The following NAT16 variants were observed in gnomAD, a reference collection of about 807,000 sequenced individuals.
NAT16 encodes the protein probable N-acetyltransferase 16.
Under a neutral mutation model 15.9 loss-of-function variants are expected in NAT16, and 16 were observed. The observed-to-expected ratio is 1.01, with a 90% CI of 0.68 to 1.53. The LOEUF (loss-of-function observed/expected upper bound fraction) is 1.53, where lower values mean the gene tolerates loss of function less well. Ranked by LOEUF, NAT16 falls within the 40% of genes most tolerant of loss-of-function variation. NAT16 has a pLI of 0.00. For synonymous variants in NAT16, 260 were observed against 241.9 expected (o/e 1.07, Z -0.69); for missense variants, 572 against 508.4 (o/e 1.13, Z -1.20).
intron 2 of NAT16, 108 bp from the exon 3 acceptor site, chr7:101,173,628 A>C: frequency 6.9e-6 from 7 of 1,018,596 alleles, no homozygotes; most frequent in Non-Finnish European, 9.7e-6. Context: ...CCGCGTCACC[A>C]CCCGGGCACC....
Position 101,172,482 on chromosome 7 carries a change from A to T in NAT16, c.707T>A (p.Val236Glu). Reference sequence around the variant, plus strand: ...CTGGATGATGGTCCCGCCTGGAAGCACGTCGCGCTGCACGGAGGGTGACAG... The same window carrying T: ...CTGGATGATGGTCCCGCCTGGAAGCTCGTCGCGCTGCACGGAGGGTGACAG... ...LLLSPSVQRD[V>E]LPGGTIIQDW... is the part of the protein sequence containing the mutation. The change falls in exon 4 of 4, where the codon GTG (valine) becomes GAG (glutamate). Residue 236 changes from valine to glutamate, a missense_variant. Transcript: ENST00000300303. The surrounding 1 kb of genome is among the most constrained non-coding windows in gnomAD (Gnocchi z 4.2). 1 of 1,598,798 alleles carries T rather than the reference A, an allele frequency of 6.3e-7. No individual in the cohort carries two copies. The highest frequency in any genetic ancestry group is 8.5e-7 in the Non-Finnish European group (1 of 1,177,124).
Position 101,174,584 on chromosome 7 carries a change from C to T in NAT16, c.224G>A (p.Gly75Asp). 1 of 1,614,138 alleles carries T rather than the reference C, an allele frequency of 6.2e-7. No individual in the cohort carries two copies. The highest frequency in any genetic ancestry group is 8.5e-7 in the Non-Finnish European group (1 of 1,179,996). ...EVLAISGGIY[G>D]GLDYLPSRYH... ...GCGGCTAGGAAGGTAGTCCAGGCCG[C>T]CGTAGATGCCCCCCGAGATGGCCAG... is the stretch of plus-strand genomic sequence containing the variant. The change falls in exon 2 of 4, where the codon GGC becomes GAC. Residue 75 changes from glycine (G) to aspartate (D), a missense_variant. Physicochemically the swap from Gly to Asp is moderately conservative, Grantham distance 94. Transcript: ENST00000300303.
In NAT16 at chr7:101,174,545, A is replaced by G; in HGVS notation, c.263T>C (p.Leu88Pro). 1.2e-6 allele frequency: 2 copies of G among 1,613,796 alleles called. No homozygotes were observed. The highest frequency in any genetic ancestry group is 1.7e-6 in the Non-Finnish European group (2 of 1,179,888). ...DYLPSRYHSW[L>P]RDPDRTVVLA... ...CACCACCGTGCGGTCGGGGTCCCGG[A>G]GCCAGCTGTGGTAGCGGCTAGGAAG... Residue 88 changes from leucine (L) to proline (P), a missense_variant, in exon 2 of 4, where the codon CTC (leucine) becomes CCC (proline). Transcript: ENST00000300303.
In NAT16 at chr7:101,174,643, G is replaced by A; in HGVS notation, c.165C>T (p.Phe55=). The change falls in exon 2 of 4, where the codon TTC becomes TTT. Residue 55 remains phenylalanine (F), a synonymous_variant. Transcript: ENST00000300303. ...CAAACTCCCGTTCCGTGGCCACCAC[G>A]AAGTCCAATGGCTCGGCCTCAGCCT... The part of the protein sequence containing the change: ...GPEAEAEPLD[F]VVATEREFEE... 6.2e-7 allele frequency: 1 copy of A among 1,614,022 alleles called. No homozygotes were observed. Among genetic ancestry groups the A allele is most frequent in the African/African-American group, 1.3e-5 (1 of 74,990 alleles).
In NAT16 at chr7:101,172,479, A is replaced by G; in HGVS notation, c.710T>C (p.Leu237Pro). 1 of 1,599,446 alleles carries G rather than the reference A, an allele frequency of 6.3e-7. No homozygotes were observed. Among genetic ancestry groups the G allele is most frequent in the South Asian group, 1.1e-5 (1 of 90,034 alleles). The change falls in exon 4 of 4, where the codon CTT (leucine) becomes CCT (proline). Residue 237 changes from leucine to proline, a missense_variant. Coordinates refer to ENST00000300303, the MANE Select transcript of NAT16 (RefSeq NM_198571.3). This position sits in a 1 kb window ranked among gnomAD's most constrained non-coding sequence, Gnocchi z 4.2. ...GTCCTGGATGATGGTCCCGCCTGGA[A>G]GCACGTCGCGCTGCACGGAGGGTGA... ...LLSPSVQRDV[L>P]PGGTIIQDWQ... is the part of the protein sequence containing the mutation.
chr7:101,176,047 C>G (rs2116731455), intron 1 of NAT16, among the ~76,000 whole-genome samples: 1 of 152,256 alleles, frequency 6.6e-6, no homozygotes, highest in South Asian at 2.1e-4. Flanking sequence ...TCCCAGAGAA[C>G]AGTGGAGGGC....
In NAT16 at chr7:101,172,630, T is replaced by A; in HGVS notation, c.559A>T (p.Asn187Tyr). The change falls in exon 4 of 4, where the codon AAC becomes TAC. Residue 187 changes from asparagine (N) to tyrosine (Y), a missense_variant. Physicochemically the swap from Asn to Tyr is moderately radical, Grantham distance 143. Coordinates refer to ENST00000300303, the MANE Select transcript of NAT16 (RefSeq NM_198571.3). The surrounding 1 kb of genome is among the most constrained non-coding windows in gnomAD (Gnocchi z 4.2). ...AGCCCGGCCAGCAGCGCGGACGCGT[T>A]GAATCGGACCAAAAGGATGCCCTGC... ...TKQGILLVRF[N>Y]ASALLAGLGA... 1 of 1,522,150 alleles carries A rather than the reference T, an allele frequency of 6.6e-7. No homozygotes were observed. Among genetic ancestry groups the A allele is most frequent in the Non-Finnish European group, 8.7e-7 (1 of 1,143,338 alleles). The allele number at this position is 1,522,150 out of a possible 1,614,324, so 94.3% of individuals were successfully genotyped here.
chr7:101,173,457 C>A lies in NAT16; in HGVS notation c.376G>T (p.Val126Leu), dbSNP rs200194215. 2.9e-5 allele frequency: 47 copies of A among 1,611,904 alleles called. No homozygotes were observed. The East Asian group carries it at 9.8e-4, about 34-fold the overall frequency. The change falls in exon 3 of 4, where the codon GTG becomes TTG. Residue 126 changes from valine to leucine, a missense_variant. Transcript: ENST00000300303. ...GETVLVEGLRVAPWERGKGVA... is the reference protein window; with the variant it reads ...GETVLVEGLRLAPWERGKGVA... Reference sequence around the variant, plus strand: ...CCCTTCCCGCGCTCCCAGGGCGCCACGCGCAGCCCCTCCACCAGCACCGTC... The same window carrying A: ...CCCTTCCCGCGCTCCCAGGGCGCCAAGCGCAGCCCCTCCACCAGCACCGTC...
At chr7:101,174,418 T>C in intron 2 of NAT16, 78 bp downstream of exon 2, 1 of 1,461,604 alleles carries the variant, frequency 6.8e-7, no homozygotes, top group Non-Finnish European at 9.0e-7. Context: ...GGAGAAGCTC[T>C]CATCCTCCTC....
Position 101,172,623 on chromosome 7 carries a change from G to C in NAT16, c.566C>G (p.Ser189Cys). 6.6e-7 allele frequency: 1 copy of C among 1,524,370 alleles called. No individual in the cohort carries two copies. Among genetic ancestry groups the C allele is most frequent in the Middle Eastern group, 1.9e-4 (1 of 5,290 alleles). 94.4% of individuals were successfully genotyped at this position (1,524,370 alleles called of 1,614,324 possible). A position where few individuals can be genotyped will look rare whatever the true frequency, so the allele number is the denominator to read the frequency against. ...QGILLVRFNA[S>C]ALLAGLGARL... Reference sequence around the variant, plus strand: ...CGCGCCCAGCCCGGCCAGCAGCGCGGACGCGTTGAATCGGACCAAAAGGAT... The same window carrying C: ...CGCGCCCAGCCCGGCCAGCAGCGCGCACGCGTTGAATCGGACCAAAAGGAT... The change falls in exon 4 of 4, where the codon TCC (serine) becomes TGC (cysteine). Residue 189 changes from serine (S) to cysteine (C), a missense_variant. Transcript: ENST00000300303. This position sits in a 1 kb window ranked among gnomAD's most constrained non-coding sequence, Gnocchi z 4.2.
chr7:101,176,903 AT>A (rs550862629), intron 1 of NAT16, among the ~76,000 whole-genome samples: 38 of 148,066 alleles, frequency 2.6e-4, no homozygotes, highest in African/African-American at 4.4e-4. Flanking sequence ...TGGAATTTTT[AT>A]TTTTTTTTTT....
At position 101,172,362 on chromosome 7, in the gene NAT16, ACGCGCGGGCG is replaced by A. The variant is rs775444522; in HGVS notation, c.817_826del (p.Arg273CysfsTer81). The A allele has an allele frequency of 6.3e-7, 1 of 1,581,352 alleles. No homozygotes were observed. Among genetic ancestry groups the A allele is most frequent in the South Asian group, 1.1e-5 (1 of 88,460 alleles). On this transcript the variant is annotated frameshift_variant, in exon 4 of 4. Transcript: ENST00000300303. LOFTEE classifies it low-confidence loss of function (END_TRUNC). This position sits in a 1 kb window ranked among gnomAD's most constrained non-coding sequence, Gnocchi z 4.2. ...GAAGGGGCGCGTGCACAGCGTGAGC[ACGCGCGGGCG>A]CGCGCGGCTGTCCACGCGCCACTCC...
chr7:101,173,363 G>A lies in NAT16; in HGVS notation c.470C>T (p.Ala157Val), dbSNP rs1262458947. 1 of 1,614,072 alleles carries A rather than the reference G, an allele frequency of 6.2e-7. No individual in the cohort carries two copies. The highest frequency in any genetic ancestry group is 1.1e-5 in the South Asian group (1 of 91,076). ...VKRQHPGVKVARLTRDDQLGP... is the reference protein window; with the variant it reads ...VKRQHPGVKVVRLTRDDQLGP... ...CAGCTGGTCGTCCCGGGTGAGCCGT[G>A]CCACCTTGACCCCCGGGTGCTGTCT... The change falls in exon 3 of 4, where the codon GCA becomes GTA. Residue 157 changes from alanine (A) to valine (V), a missense_variant. Physicochemically the swap from Ala to Val is moderately conservative, Grantham distance 64. Transcript: ENST00000300303.
chr7:101,173,402 GAGCAGAAGCGCTGC>G lies in NAT16; in HGVS notation c.417_430del (p.Gln140AlafsTer108), dbSNP rs773677627. The G allele has an allele frequency of 1.9e-6, 3 of 1,613,718 alleles. No homozygotes were observed. The highest frequency in any genetic ancestry group is 2.5e-6 in the Non-Finnish European group (3 of 1,179,798). ...CGGGTGCTGTCTCTTGACCAGCTGCGAGCAGAAGCGCTGCAGCAGCCCGGCCACGCCCTTCCCGC... is the reference window on the plus strand; with the variant it reads ...CGGGTGCTGTCTCTTGACCAGCTGCGAGCAGCCCGGCCACGCCCTTCCCGC... On this transcript the variant is annotated frameshift_variant, in exon 3 of 4. Coordinates refer to ENST00000300303, the MANE Select transcript of NAT16 (RefSeq NM_198571.3). LOFTEE classifies it high-confidence loss of function.
chr7:101,173,394 C>T lies in NAT16; in HGVS notation c.439G>A (p.Val147Ile), dbSNP rs1330843739. 1.9e-6 allele frequency: 3 copies of T among 1,613,946 alleles called. 1 individual carries two copies. The South Asian group carries it at 3.3e-5, about 18-fold the overall frequency. ...TTGACCCCCGGGTGCTGTCTCTTGA[C>T]CAGCTGCGAGCAGAAGCGCTGCAGC... is the stretch of plus-strand genomic sequence containing the variant. ...GLLQRFCSQL[V>I]KRQHPGVKVA... The change falls in exon 3 of 4, where the codon GTC becomes ATC. Residue 147 changes from valine (V) to isoleucine (I), a missense_variant. Physicochemically the swap from Val to Ile is conservative, Grantham distance 29. Coordinates refer to ENST00000300303, the MANE Select transcript of NAT16 (RefSeq NM_198571.3).
chr7:101,175,980 T>A (rs1008721118), intron 1 of NAT16, among the ~76,000 whole-genome samples: 6 of 149,968 alleles, frequency 4.0e-5, no homozygotes, highest in African/African-American at 1.5e-4. Context: ...CTAAGACCTC[T>A]GCAAGGACAA....
rs764891260 is a variant in NAT16 at position 101,172,149 on chromosome 7, C to G, written c.1040G>C (p.Cys347Ser). 19 of 1,613,998 alleles carry G rather than the reference C, an allele frequency of 1.2e-5. No homozygotes were observed. Among genetic ancestry groups the G allele is most frequent in the Non-Finnish European group, 1.5e-5 (18 of 1,179,976 alleles). The change falls in exon 4 of 4, where the codon TGC becomes TCC. Residue 347 changes from cysteine to serine, a missense_variant. Transcript: ENST00000300303. This position sits in a 1 kb window ranked among gnomAD's most constrained non-coding sequence, Gnocchi z 4.2. Reference protein sequence around the residue: ...PQLWSQLADFCQVGLGLELVK... With the variant: ...PQLWSQLADFSQVGLGLELVK... ...CAGCTCCAGTCCCAGCCCGACCTGG[C>G]AGAAGTCAGCCAGCTGTGACCACAG...
intron 2 of NAT16, chr7:101,174,197 T>C: frequency 2.1e-6 from 1 of 465,302 alleles, no homozygotes; most frequent in Non-Finnish European, 3.8e-6. Context: ...GCCTACCCTC[T>C]CTCTCCTGCT....
chr7:101,172,803 G>A lies in NAT16; in HGVS notation c.538-152C>T, dbSNP rs1584219895. The A allele has an allele frequency of 4.7e-6, 3 of 638,206 alleles. No homozygotes were observed. The highest frequency in any genetic ancestry group is 3.9e-5 in the African/African-American group (2 of 50,828). The allele number at this position is 638,206 out of a possible 1,614,324, so 39.5% of individuals were successfully genotyped here. The stretch of plus-strand genomic sequence containing the variant: ...AGCGACCGTGAGGGCTCCGGGCCGA[G>A]TGGGGTATGGGAAAGCCTGGGTTTC... On this transcript the variant is annotated intron_variant, in intron 3 of 3. Transcript: ENST00000300303. This position sits in a 1 kb window ranked among gnomAD's most constrained non-coding sequence, Gnocchi z 4.2.
Sources: allele counts gnomAD v4.1 joint callset (sites outside exome capture counted in the v4.1 genomes callset), GRCh38; gene constraint gnomAD v4.1.1; non-coding constraint Gnocchi (gnomAD v3.1); transcripts MANE v1.5; gene names NCBI Gene and HGNC (gene_info 2026-07-23, HGNC 2026-07-21).